Variants in SOS1 observed in about 807,000 individuals in gnomAD.
SOS1 encodes SOS Ras/Rac guanine nucleotide exchange factor 1, also known as son of sevenless homolog 1.
SOS1 carries 25 observed loss-of-function variants against 157.6 expected under a neutral mutation model. That is an observed-to-expected ratio of 0.16 (90% CI 0.12 to 0.22). SOS1 has a LOEUF of 0.22. Ranked by LOEUF, SOS1 falls within the 10% of genes least tolerant of loss-of-function variation. The pLI, the probability that SOS1 is intolerant of heterozygous loss-of-function variation, is 1.00. For synonymous variants in SOS1, 528 were observed against 534.0 expected (o/e 0.99, Z 0.16); for missense variants, 1,237 against 1,599.1 (o/e 0.77, Z 3.86).
At chr2:39,028,848 A>AT (rs1558477453) in intron 8 of SOS1, among the ~76,000 whole-genome samples, 1 of 152,204 alleles carries the variant, frequency 6.6e-6, no homozygotes, top group African/African-American at 2.4e-5. Context: ...ACAAGCAAAG[A>AT]TTAGGTTCAC....
intron 8 of SOS1, among the ~76,000 whole-genome samples, chr2:39,034,204 C>G (rs1670264127): frequency 6.6e-6 from 1 of 152,120 alleles, no homozygotes; most frequent in Non-Finnish European, 1.5e-5. Context: ...GTAAACATTC[C>G]TAATTGAGAA....
intron 20 of SOS1, chr2:38,993,421 A>G (rs1042640497): frequency 6.6e-6 from 1 of 152,166 alleles, no homozygotes; most frequent in Non-Finnish European, 1.5e-5. Context: ...TTGGCCTTCC[A>G]AAGTGTTGAA....
chr2:39,047,840 G>T (rs1670846110), intron 6 of SOS1, among the ~76,000 whole-genome samples: 1 of 151,668 alleles, frequency 6.6e-6, no homozygotes, highest in African/African-American at 2.4e-5. Flanking sequence ...CCCTAATTTT[G>T]TATTTTTAAT....
chr2:38,997,109 TA>T lies in SOS1; in HGVS notation c.2965-72del, dbSNP rs1261228971. On this transcript the variant is annotated intron_variant, in intron 18 of 22. Transcript: ENST00000402219. Reference sequence around the variant, plus strand: ...ATTCAGTTTGAAATTCATGGAAAGTTAAGAAAACATTTAATACAAGTAAATT... The same window carrying T: ...ATTCAGTTTGAAATTCATGGAAAGTTAGAAAACATTTAATACAAGTAAATT... The T allele has an allele frequency of 3.1e-5, 33 of 1,065,600 alleles. No individual in the cohort carries two copies. In the African/African-American group the frequency reaches 5.3e-4, roughly 17 times the overall value. The allele number at this position is 1,065,600 out of a possible 1,614,324, so 66.0% of individuals were successfully genotyped here. A position where few individuals can be genotyped will look rare whatever the true frequency, so the allele number is the denominator to read the frequency against.
chr2:39,117,999 A>C (rs1244581089), intron 1 of SOS1, among the ~76,000 whole-genome samples: 1 of 152,262 alleles, frequency 6.6e-6, no homozygotes, highest in East Asian at 1.9e-4. Flanking sequence ...ACCAGATGTC[A>C]AGCACTATAA....
chr2:39,115,848 GA>G (rs1296465680), intron 1 of SOS1, among the ~76,000 whole-genome samples: 9 of 152,306 alleles, frequency 5.9e-5, no homozygotes, highest in African/African-American at 2.2e-4. Flanking sequence ...ACTGAAAAGA[GA>G]TGCCATGAAC....
intron 2 of SOS1, among the ~76,000 whole-genome samples, chr2:39,060,919 G>A (rs750574501): frequency 7.6e-4 from 114 of 149,504 alleles, no homozygotes; most frequent in Non-Finnish European, 1.4e-3. Context: ...ATTCTAAATA[G>A]AGTTACATGT....
chr2:39,082,607 C>A (rs1435768318), intron 1 of SOS1: 1 of 152,100 alleles, frequency 6.6e-6, no homozygotes, highest in African/African-American at 2.4e-5. Flanking sequence ...TTTGGCAGCA[C>A]GTATACTGAA....
At chr2:39,045,279 TGTG>T (rs1358271956) in intron 6 of SOS1, among the ~76,000 whole-genome samples, 16 of 135,718 alleles carry the variant, frequency 1.2e-4, no homozygotes, top group African/African-American at 4.3e-4. Flanking sequence ...AGAGAGTGTG[TGTG>T]TGTGTGTGTG....
intron 1 of SOS1, among the ~76,000 whole-genome samples, chr2:39,069,047 T>A (rs959992295): frequency 1.1e-4 from 17 of 151,772 alleles, no homozygotes; most frequent in African/African-American, 4.1e-4. Flanking sequence ...AGGGAAAATT[T>A]TATAAACAGT....
At chr2:39,057,753 AT>A (rs1318546485) in intron 3 of SOS1, among the ~76,000 whole-genome samples, 3 of 152,090 alleles carry the variant, frequency 2.0e-5, no homozygotes, top group Non-Finnish European at 4.4e-5. Flanking sequence ...GCCAATGAAA[AT>A]CATGAAGAGA....
chr2:38,988,829 T>C (rs1195324287), intron 21 of SOS1, among the ~76,000 whole-genome samples: 1 of 152,152 alleles, frequency 6.6e-6, no homozygotes, highest in Non-Finnish European at 1.5e-5. Flanking sequence ...AAGAAAGTTC[T>C]TCTAAAGTCA....
Position 39,022,690 on chromosome 2 carries a change from G to C in SOS1, c.1738C>G (p.Pro580Ala). 1 of 1,613,098 alleles carries C rather than the reference G, an allele frequency of 6.2e-7. No homozygotes were observed. Reference sequence around the variant, plus strand: ...AATATAATATTCTCTTCAGAGTCAGGCTCTGCAAATCTATAAACATCAGCA... The same window carrying C: ...AATATAATATTCTCTTCAGAGTCAGCCTCTGCAAATCTATAAACATCAGCA... ...PSADVYRFAE[P>A]DSEENIIFEE... Residue 580 changes from proline (P) to alanine (A), a missense_variant, in exon 10 of 23, where the codon CCT becomes GCT. Transcript: ENST00000402219.
chr2:39,116,187 A>AAAGG (rs10700925), intron 1 of SOS1, among the ~76,000 whole-genome samples: 1 of 152,258 alleles, frequency 6.6e-6, no homozygotes. Context: ...GAATAACCCA[A>AAAGG]ACTTTTAAGT....
intron 1 of SOS1, among the ~76,000 whole-genome samples, chr2:39,107,079 T>TC (rs531965511): frequency 1.3e-5 from 2 of 151,466 alleles, no homozygotes; most frequent in Non-Finnish European, 2.9e-5. Flanking sequence ...CCTTAAGGCA[T>TC]CCTTTTTTTT....
intron 1 of SOS1, among the ~76,000 whole-genome samples, chr2:39,070,020 A>G (rs1310936051): frequency 6.6e-6 from 1 of 152,188 alleles, no homozygotes; most frequent in Non-Finnish European, 1.5e-5. Flanking sequence ...AGTTAAAATA[A>G]TAGACAGTGT....
chr2:39,066,369 T>G (rs1321710908), intron 2 of SOS1, among the ~76,000 whole-genome samples: 1 of 152,246 alleles, frequency 6.6e-6, no homozygotes, highest in Non-Finnish European at 1.5e-5. Context: ...CCCAAAGATT[T>G]GAAGTACTGT....
At chr2:39,107,352 C>T (rs61456571) in intron 1 of SOS1, among the ~76,000 whole-genome samples, 4,254 of 152,184 alleles carry the variant, frequency 0.028, 190 homozygotes, top group African/African-American at 0.089. Context: ...GGCCTGTTCC[C>T]GGGAGACACA....
chr2:39,085,531 C>A (rs180709433), intron 1 of SOS1, among the ~76,000 whole-genome samples: 4 of 152,158 alleles, frequency 2.6e-5, no homozygotes, highest in African/African-American at 9.7e-5. Context: ...TGCCCATAAC[C>A]TCTAAGCAGG....
Sources: gnomAD v4.1 joint callset for allele counts (sites outside exome capture counted in the v4.1 genomes callset) on GRCh38, gnomAD v4.1.1 for gene constraint, MANE v1.5 for transcripts, NCBI Gene and HGNC (gene_info 2026-07-23, HGNC 2026-07-21) for gene names.